THSD7B: variants seen among roughly 807,000 people sequenced by gnomAD.
The protein encoded by THSD7B is thrombospondin type-1 domain-containing protein 7B.
THSD7B carries 138 observed loss-of-function variants against 213.6 expected under a neutral mutation model. The observed-to-expected ratio is 0.65, with a 90% CI of 0.56 to 0.74. The LOEUF is 0.74. THSD7B is among the 30% of genes least tolerant of loss of function. The pLI is 0.00. For synonymous variants in THSD7B, 742 were observed against 687.0 expected, an observed-to-expected ratio of 1.08 and a Z score of -1.25; for missense variants, 1,931 against 1,991.5, an observed-to-expected ratio of 0.97 and a Z score of 0.58.
intron 15 of THSD7B, among the ~76,000 whole-genome samples, chr2:137,513,278 G>C (rs1408542089): frequency 1.3e-5 from 2 of 152,190 alleles, no homozygotes; most frequent in African/African-American, 2.4e-5. Flanking sequence ...GGGGACAATA[G>C]GAAGTTTTAC....
intron 5 of THSD7B, among the ~76,000 whole-genome samples, chr2:137,149,034 G>A (rs191540078): frequency 8.5e-5 from 13 of 152,222 alleles, no homozygotes; most frequent in African/African-American, 2.9e-4. Flanking sequence ...GATTTCATAG[G>A]CTGGATCCAG....
intron 16 of THSD7B, among the ~76,000 whole-genome samples, chr2:137,564,365 A>G (rs1440496123): frequency 6.6e-6 from 1 of 152,184 alleles, no homozygotes; most frequent in Non-Finnish European, 1.5e-5. Context: ...GTCATGTTGA[A>G]AGGAAGAGCT....
intron 1 of THSD7B, among the ~76,000 whole-genome samples, chr2:136,866,067 G>GT (rs1683327114): frequency 6.6e-6 from 1 of 152,152 alleles, no homozygotes. Flanking sequence ...ATTGCCTCTG[G>GT]TTCCCCAAAA....
intron 12 of THSD7B, among the ~76,000 whole-genome samples, chr2:137,363,364 G>A (rs1423095018): frequency 1.3e-5 from 2 of 152,152 alleles, no homozygotes; most frequent in African/African-American, 4.8e-5. Context: ...AAAGCTAGCA[G>A]AAGGCAAGAA....
chr2:137,304,498 T>G (rs765889575), intron 12 of THSD7B, among the ~76,000 whole-genome samples: 17 of 152,104 alleles, frequency 1.1e-4, no homozygotes, highest in Non-Finnish European at 2.5e-4. Context: ...CAAATTTCTA[T>G]TAGTGAAAAA....
At chr2:137,542,751 C>T (rs1455341799) in intron 15 of THSD7B, among the ~76,000 whole-genome samples, 4 of 151,720 alleles carry the variant, frequency 2.6e-5, no homozygotes, top group Non-Finnish European at 4.4e-5. Flanking sequence ...GACTGACTTA[C>T]ACTTTTTCAT....
intron 15 of THSD7B, among the ~76,000 whole-genome samples, chr2:137,512,893 A>C (rs1679997205): frequency 6.6e-6 from 1 of 152,168 alleles, no homozygotes; most frequent in Admixed American, 6.5e-5. Context: ...AACAAGATGA[A>C]TGACTTGCCC....
intron 12 of THSD7B, among the ~76,000 whole-genome samples, chr2:137,357,449 T>A (rs1431295705): frequency 6.6e-6 from 1 of 152,164 alleles, no homozygotes; most frequent in Non-Finnish European, 1.5e-5. Flanking sequence ...ACTGAGATTA[T>A]ATATCTTATT....
chr2:137,234,107 T>C (rs1681707373), intron 9 of THSD7B, among the ~76,000 whole-genome samples: 1 of 152,132 alleles, frequency 6.6e-6, no homozygotes, highest in East Asian at 1.9e-4. Flanking sequence ...ACAGACAGGG[T>C]CAAGTCTGGT....
At chr2:137,514,717 A>G (rs1038002629) in intron 15 of THSD7B, among the ~76,000 whole-genome samples, 2 of 152,170 alleles carry the variant, frequency 1.3e-5, no homozygotes, top group Non-Finnish European at 2.9e-5. Context: ...TACTTCTAAT[A>G]GTATGGAGAA....
At chr2:137,501,682 T>C (rs1256667242) in intron 15 of THSD7B, among the ~76,000 whole-genome samples, 1 of 152,240 alleles carries the variant, frequency 6.6e-6, no homozygotes, top group Non-Finnish European at 1.5e-5. Flanking sequence ...AATATGATTG[T>C]ACTTATAAAA....
At chr2:136,932,283 GAGAT>G (rs558558655) in intron 2 of THSD7B, among the ~76,000 whole-genome samples, 52 of 152,160 alleles carry the variant, frequency 3.4e-4, no homozygotes, top group Non-Finnish European at 6.2e-4. Flanking sequence ...AAAATTGAAA[GAGAT>G]AGAATGAAAA....
At position 137,313,946 on chromosome 2, in the gene THSD7B, G is replaced by C. The variant is rs190470857; in HGVS notation, c.2500+37920G>C. Reference sequence around the variant, plus strand: ...TCTCTGGCTGCCCTTAACATTTTTTGCTTCATTTCAACTTTGGTGAATCTG... The same window carrying C: ...TCTCTGGCTGCCCTTAACATTTTTTCCTTCATTTCAACTTTGGTGAATCTG... On this transcript the variant is annotated intron_variant, in intron 12 of 27. Coordinates refer to ENST00000409968, the MANE Select transcript of THSD7B (RefSeq NM_001316349.2). Among the ~76,000 whole-genome samples, 514 of 152,060 alleles carry C rather than the reference G, an allele frequency of 3.4e-3. 3 individuals are homozygous for C. Among genetic ancestry groups the C allele is most frequent in the African/African-American group, 0.012 (495 of 41,488 alleles).
In THSD7B at chr2:137,479,946, AG is replaced by A. The variant is rs200971635; in HGVS notation, c.3138+28928del. Among the ~76,000 whole-genome samples the A allele has an allele frequency of 2.4e-3, 369 of 152,286 alleles. 7 individuals carry two copies. Among genetic ancestry groups the A allele is most frequent in the Admixed American group, 0.022 (330 of 15,298 alleles). On this transcript the variant is annotated intron_variant, in intron 15 of 27. Coordinates refer to ENST00000409968, the MANE Select transcript of THSD7B (RefSeq NM_001316349.2). Reference sequence around the variant, plus strand: ...GTTAGTATCAGGGTCCATGAAGGTCAGGGGGTCTCCCATGGCTAGGATTGCA... The same window carrying A: ...GTTAGTATCAGGGTCCATGAAGGTCAGGGGTCTCCCATGGCTAGGATTGCA...
Position 137,620,673 on chromosome 2 carries a change from A to G in THSD7B, c.3746A>G (p.Gln1249Arg). 6.2e-7 allele frequency: 1 copy of G among 1,613,980 alleles called. No homozygotes were observed. Among genetic ancestry groups the G allele is most frequent in the East Asian group, 2.2e-5 (1 of 44,880 alleles). ...TTGGTGGAATGCGTGGTCAACTGTC[A>G]GCTCTCAGGGTGGACGGCTTGGACA... ...PCLVECVVNCQLSGWTAWTEC... is the reference protein window; with the variant it reads ...PCLVECVVNCRLSGWTAWTEC... The change falls in exon 20 of 28, where the codon CAG becomes CGG. Residue 1249 changes from glutamine (Q) to arginine (R), a missense_variant. By Grantham distance (43) the Gln-to-Arg change is conservative (BLOSUM62 1). Transcript: ENST00000409968.
At position 137,094,924 on chromosome 2, in the gene THSD7B, C is replaced by T; in HGVS notation, c.1002C>T (p.Pro334=). Residue 334 remains proline, a synonymous_variant, in exon 4 of 28, where the codon CCC becomes CCT. Coordinates refer to ENST00000409968, the MANE Select transcript of THSD7B (RefSeq NM_001316349.2). ...FPLTVQSCIM[P]KDCETSQWSS... is the part of the protein sequence containing the mutation. The stretch of plus-strand genomic sequence containing the variant: ...TGACTGTTCAGTCCTGCATCATGCC[C>T]AAAGACTGTGAAACCTCCCAGTGGT... 6.2e-7 allele frequency: 1 copy of T among 1,613,796 alleles called. No homozygotes were observed. The highest frequency in any genetic ancestry group is 8.5e-7 in the Non-Finnish European group (1 of 1,179,836).
intron 2 of THSD7B, among the ~76,000 whole-genome samples, chr2:137,020,797 T>C (rs1686430019): frequency 6.6e-6 from 1 of 152,178 alleles, no homozygotes; most frequent in South Asian, 2.1e-4. Flanking sequence ...TTTTGTATTG[T>C]GAATGGGGGC....
intron 12 of THSD7B, among the ~76,000 whole-genome samples, chr2:137,397,609 A>G (rs1163563919): frequency 1.3e-5 from 2 of 150,022 alleles, no homozygotes; most frequent in African/African-American, 4.9e-5. Context: ...TTTTTCCTTC[A>G]TTTCAACTTT....
chr2:137,356,219 A>G (rs546017088), intron 12 of THSD7B, among the ~76,000 whole-genome samples: 2 of 152,256 alleles, frequency 1.3e-5, no homozygotes, highest in South Asian at 4.2e-4. Flanking sequence ...TATTTCTTAT[A>G]TGTATCCACG....
Sources: gnomAD v4.1 joint callset for allele counts (sites outside exome capture counted in the v4.1 genomes callset) on GRCh38, gnomAD v4.1.1 for gene constraint, MANE v1.5 for transcripts, NCBI Gene and HGNC (gene_info 2026-07-23, HGNC 2026-07-21) for gene names.